CALN1: variants seen among roughly 807,000 people sequenced by gnomAD.
The protein encoded by CALN1 is calcium-binding protein 8.
Under a neutral mutation model 30.6 loss-of-function variants are expected in CALN1, and 17 were observed. The observed-to-expected ratio is 0.56, with a 90% CI of 0.38 to 0.83. CALN1 has a LOEUF of 0.83. Among genes scored for constraint, CALN1 ranks in the 40% least tolerant of loss-of-function variants. CALN1 has a pLI of 0.00. For missense variants in CALN1, 291 were observed against 354.9 expected, an observed-to-expected ratio of 0.82 and a Z score of 1.45; for synonymous variants, 156 against 131.4, an observed-to-expected ratio of 1.19 and a Z score of -1.28.
At chr7:72,021,820 TCCTC>T (rs1800725931) in intron 5 of CALN1, among the ~76,000 whole-genome samples, 1 of 152,106 alleles carries the variant, frequency 6.6e-6, no homozygotes, top group African/African-American at 2.4e-5. Context: ...TGCATAGACT[TCCTC>T]CCTTTACTTG....
intron 3 of CALN1, among the ~76,000 whole-genome samples, chr7:72,217,098 A>T (rs1254636291): frequency 6.6e-6 from 1 of 152,172 alleles, no homozygotes; most frequent in Non-Finnish European, 1.5e-5. Flanking sequence ...TAGAGAAAAT[A>T]CAAGAAAGGA....
At chr7:72,229,969 C>T (rs1323170460) in intron 3 of CALN1, among the ~76,000 whole-genome samples, 10 of 151,650 alleles carry the variant, frequency 6.6e-5, no homozygotes, top group Admixed American at 6.6e-4. Context: ...GGTGAAACCC[C>T]GTCTCTACAA....
In CALN1 at chr7:71,787,511, A is replaced by G. The variant is rs1423476325; in HGVS notation, c.*264T>C. 3 of 389,812 alleles carry G rather than the reference A, an allele frequency of 7.7e-6. No individual in the cohort carries two copies. Among genetic ancestry groups the G allele is most frequent in the Non-Finnish European group, 1.4e-5 (3 of 211,928 alleles). 24.1% of individuals were successfully genotyped at this position (389,812 alleles called of 1,614,324 possible). ...AGAGTTATGACTGATGGTTGAAGCA[A>G]TAATTTGGAAATCCTGGCGATTTAT... On this transcript the variant is annotated 3_prime_UTR_variant, in exon 7 of 7. Transcript: ENST00000395275.
intron 4 of CALN1, among the ~76,000 whole-genome samples, chr7:72,083,381 T>C (rs541121240): frequency 6.6e-6 from 1 of 151,942 alleles, no homozygotes; most frequent in East Asian, 1.9e-4. Flanking sequence ...GATATGGAAA[T>C]TATTTAAAAA....
At chr7:72,353,607 A>G (rs1803063007) in intron 2 of CALN1, among the ~76,000 whole-genome samples, 1 of 152,192 alleles carries the variant, frequency 6.6e-6, no homozygotes, top group South Asian at 2.1e-4. Flanking sequence ...AAAAACCTAC[A>G]GCTAACATCA....
At chr7:72,202,898 G>A (rs771114344) in intron 3 of CALN1, among the ~76,000 whole-genome samples, 2 of 152,168 alleles carry the variant, frequency 1.3e-5, no homozygotes, top group African/African-American at 2.4e-5. Context: ...CATGTTTATT[G>A]CAGCACTATT....
At chr7:72,173,324 A>AATAT (rs148899936) in intron 3 of CALN1, among the ~76,000 whole-genome samples, 13 of 151,398 alleles carry the variant, frequency 8.6e-5, no homozygotes, top group African/African-American at 1.7e-4. Flanking sequence ...GACCTAAATG[A>AATAT]ATATATATAT....
At chr7:71,953,554 G>C (rs945841191) in intron 5 of CALN1, among the ~76,000 whole-genome samples, 1 of 152,010 alleles carries the variant, frequency 6.6e-6, no homozygotes, top group Non-Finnish European at 1.5e-5. Flanking sequence ...TCTCTTTCTG[G>C]TGTTTTCCGC....
chr7:72,154,780 T>G lies in CALN1; in HGVS notation c.245-48486A>C, dbSNP rs543124749. Reference sequence around the variant, plus strand: ...GAAGAGAGCCAGGCCCAGTGTCTCATGCCTGTAATCCCAATGCTTTGGGAG... The same window carrying G: ...GAAGAGAGCCAGGCCCAGTGTCTCAGGCCTGTAATCCCAATGCTTTGGGAG... On this transcript the variant is annotated intron_variant, in intron 3 of 6. Coordinates refer to ENST00000395275, the MANE Select transcript of CALN1 (RefSeq NM_031468.4). Among the ~76,000 whole-genome samples the G allele has an allele frequency of 1.2e-4, 19 of 152,284 alleles. No individual in the cohort carries two copies. The South Asian group carries it at 3.9e-3, about 32-fold the overall frequency.
chr7:71,835,117 G>T (rs531807128), intron 5 of CALN1, among the ~76,000 whole-genome samples: 1 of 152,194 alleles, frequency 6.6e-6, no homozygotes, highest in Non-Finnish European at 1.5e-5. Flanking sequence ...GGGATTACAG[G>T]AATGAGCCAC....
intron 3 of CALN1, among the ~76,000 whole-genome samples, chr7:72,183,996 A>C (rs1790002253): frequency 6.6e-6 from 1 of 152,102 alleles, no homozygotes. Context: ...ACGACAGTTC[A>C]GTTAAGAAAA....
rs139833541 is a variant in CALN1, at chr7:72,217,161, C to T, written c.244+61525G>A. 1.5e-3 allele frequency among the ~76,000 whole-genome samples: 225 copies of T among 152,226 alleles called. 1 individual carries two copies. Among genetic ancestry groups the T allele is most frequent in the African/African-American group, 4.7e-3 (194 of 41,532 alleles). ...GCTTCCCCACGGACCAAGGTGCAGG[C>T]ATTGTCCCACACCCAAACTCCCCCT... On this transcript the variant is annotated intron_variant, in intron 3 of 6. Transcript: ENST00000395275.
At chr7:72,451,498 T>C (rs1237727399), upstream of CALN1, among the ~76,000 whole-genome samples, 1 of 151,798 alleles carries the variant, frequency 6.6e-6, no homozygotes, top group Non-Finnish European at 1.5e-5. Flanking sequence ...AGAACTCAAC[T>C]CTCCTGGGGC....
At chr7:72,136,094 C>A (rs1450682813) in intron 3 of CALN1, among the ~76,000 whole-genome samples, 1 of 150,260 alleles carries the variant, frequency 6.7e-6, no homozygotes. Flanking sequence ...AAGATTGCAC[C>A]ACTGCATTCC....
chr7:71,842,245 A>C (rs778050722), intron 5 of CALN1, among the ~76,000 whole-genome samples: 1 of 152,204 alleles, frequency 6.6e-6, no homozygotes, highest in Non-Finnish European at 1.5e-5. Context: ...TTGCAGCTTG[A>C]GTGTGAGTCC....
At chr7:72,428,950 C>A (rs1807884105) in intron 1 of CALN1, among the ~76,000 whole-genome samples, 1 of 152,196 alleles carries the variant, frequency 6.6e-6, no homozygotes, top group Non-Finnish European at 1.5e-5. Flanking sequence ...TACACATACA[C>A]ACAGGGCAGA....
At chr7:71,884,998 T>C (rs1792814591) in intron 5 of CALN1, among the ~76,000 whole-genome samples, 1 of 152,236 alleles carries the variant, frequency 6.6e-6, no homozygotes, top group African/African-American at 2.4e-5. Context: ...AATCTTTATC[T>C]TAACCTGAAC....
At chr7:72,370,886 A>T (rs1391212787) in intron 2 of CALN1, among the ~76,000 whole-genome samples, 1 of 151,944 alleles carries the variant, frequency 6.6e-6, no homozygotes, top group African/African-American at 2.4e-5. Flanking sequence ...TCTCTACTAA[A>T]AATACAAAAA....
chr7:72,453,761 C>T, the CALN1 span, among the ~76,000 whole-genome samples: 190 of 152,254 alleles, frequency 1.2e-3, 1 homozygote, highest in African/African-American at 4.4e-3. Context: ...AGCCATGGTG[C>T]AGCCCTAATC....
Sources: gnomAD v4.1 joint callset for allele counts (sites outside exome capture counted in the v4.1 genomes callset) on GRCh38, gnomAD v4.1.1 for gene constraint, MANE v1.5 for transcripts, NCBI Gene and HGNC (gene_info 2026-07-23, HGNC 2026-07-21) for gene names.